ST6GAL2: variants seen among roughly 807,000 people sequenced by gnomAD.
ST6GAL2 encodes the protein ST6 beta-galactoside alpha-2,6-sialyltransferase 2.
A neutral mutation model predicts 37.5 loss-of-function variants in ST6GAL2; 24 were observed. That is an observed-to-expected ratio of 0.64 (90% CI 0.46 to 0.90). The LOEUF is 0.90. ST6GAL2 is among the 40% of genes least tolerant of loss of function. ST6GAL2 has a pLI of 0.00. For missense variants in ST6GAL2, 715 were observed against 712.7 expected (o/e 1.00, Z -0.04); for synonymous variants, 306 against 295.1 (o/e 1.04, Z -0.38).
At chr2:106,849,848 T>G (rs1318897531) in intron 1 of ST6GAL2, among the ~76,000 whole-genome samples, 1 of 152,240 alleles carries the variant, frequency 6.6e-6, no homozygotes, top group Non-Finnish European at 1.5e-5. Flanking sequence ...AATCTTTGAA[T>G]GTACCTACGA....
intron 1 of ST6GAL2, among the ~76,000 whole-genome samples, chr2:106,870,731 C>G (rs1160634990): frequency 6.6e-6 from 1 of 152,092 alleles, no homozygotes; most frequent in African/African-American, 2.4e-5. Flanking sequence ...TTCCGGAATA[C>G]AGTCACAGAC....
At position 106,846,783 on chromosome 2, in the gene ST6GAL2, G is replaced by A. The variant is rs1573267692; in HGVS notation, c.-57-2749C>T. On this transcript the variant is annotated intron_variant, in intron 1 of 5. Coordinates refer to ENST00000409382, the MANE Select transcript of ST6GAL2 (RefSeq NM_001142351.2). ...GAACCACGGATGCCAAGAAGCGAGC[G>A]TAGAAGAATTAATACCCGCAGTTAG... 2.0e-5 allele frequency among the ~76,000 whole-genome samples: 3 copies of A among 152,182 alleles called. No individual in the cohort carries two copies. The South Asian group carries it at 6.2e-4, about 32-fold the overall frequency.
chr2:106,842,774 G>A (rs1676945892), intron 2 of ST6GAL2, among the ~76,000 whole-genome samples: 1 of 152,162 alleles, frequency 6.6e-6, no homozygotes, highest in Non-Finnish European at 1.5e-5. Flanking sequence ...GCTATGGGGA[G>A]GACCCTTCCT....
Position 106,867,877 on chromosome 2 carries a change from T to G in ST6GAL2, c.-58+18216A>C, listed in dbSNP as rs576113720. 2.6e-5 allele frequency among the ~76,000 whole-genome samples: 4 copies of G among 152,262 alleles called. No individual in the cohort carries two copies. The South Asian group carries it at 8.3e-4, about 32-fold the overall frequency. ...GGATTTCTATCCAGGACTTTCTTTC[T>G]TTTCTTCCTCAACCTCTCCCTCCCC... On this transcript the variant is annotated intron_variant, in intron 1 of 5. Coordinates refer to ENST00000409382, the MANE Select transcript of ST6GAL2 (RefSeq NM_001142351.2).
At chr2:106,879,390 A>G (rs1451975847) in intron 1 of ST6GAL2, among the ~76,000 whole-genome samples, 3 of 152,244 alleles carry the variant, frequency 2.0e-5, no homozygotes, top group East Asian at 1.9e-4. Flanking sequence ...ACTACTATCA[A>G]TTCAACTTTG....
At chr2:106,879,319 T>G (rs1678645055) in intron 1 of ST6GAL2, among the ~76,000 whole-genome samples, 1 of 152,208 alleles carries the variant, frequency 6.6e-6, no homozygotes, top group Non-Finnish European at 1.5e-5. Flanking sequence ...AACAAATGTT[T>G]AGATTTAACT....
At chr2:106,886,208 C>G (rs1238849085), upstream of ST6GAL2, 1 of 152,274 alleles carries the variant, frequency 6.6e-6, no homozygotes, top group Non-Finnish European at 1.5e-5. Flanking sequence ...TCCCCGGCAG[C>G]CGCTCGGGTG....
At position 106,813,759 on chromosome 2, in the gene ST6GAL2, T is replaced by C. The variant is rs560692869; in HGVS notation, c.1319-6810A>G. ...AACATAATACAAGTAACAGGAAAAC[T>C]ACCAGTTTAAATCAATTCTAATAAA... On this transcript the variant is annotated intron_variant, in intron 5 of 5. Coordinates refer to ENST00000409382, the MANE Select transcript of ST6GAL2 (RefSeq NM_001142351.2). Among the ~76,000 whole-genome samples, 120 of 152,306 alleles carry C rather than the reference T, an allele frequency of 7.9e-4. 4 individuals are homozygous for C. The highest frequency in any genetic ancestry group is 5.4e-3 in the Admixed American group (83 of 15,300).
At chr2:106,832,780 G>A (rs923908991) in intron 3 of ST6GAL2, 114 bp from the exon 4 acceptor site, 36 of 731,722 alleles carry the variant, frequency 4.9e-5, no homozygotes, top group Middle Eastern at 2.4e-4. Context: ...TGGCTCAGAC[G>A]TTGTATTTTC....
intron 1 of ST6GAL2, among the ~76,000 whole-genome samples, chr2:106,867,701 C>A (rs1356634877): frequency 1.3e-5 from 2 of 152,070 alleles, no homozygotes; most frequent in Non-Finnish European, 2.9e-5. Flanking sequence ...GGAACCCACC[C>A]CCAGCCCGAC....
In ST6GAL2 at chr2:106,804,818, G is replaced by C. The variant is rs1675363896; in HGVS notation, c.*1860C>G. 7.2e-6 allele frequency: 1 copy of C among 139,424 alleles called. No homozygotes were observed. 8.6% of individuals were successfully genotyped at this position (139,424 alleles called of 1,614,324 possible). ...GATCGCACCACTGCACTCTAGCCTG[G>C]GCGACAGAGCGAGAGACTGTCTCAA... is the stretch of plus-strand genomic sequence containing the variant. On this transcript the variant is annotated 3_prime_UTR_variant, in exon 6 of 6. Coordinates refer to ENST00000409382, the MANE Select transcript of ST6GAL2 (RefSeq NM_001142351.2).
intron 2 of ST6GAL2, chr2:106,841,124 GACTC>G (rs1485140573): frequency 6.6e-6 from 1 of 152,184 alleles, no homozygotes; most frequent in Non-Finnish European, 1.5e-5. Context: ...CTTGATTCCA[GACTC>G]ACTGTCTTGT....
chr2:106,837,128 A>G (rs146697108), intron 2 of ST6GAL2, among the ~76,000 whole-genome samples: 166 of 152,270 alleles, frequency 1.1e-3, no homozygotes, highest in African/African-American at 3.9e-3. Flanking sequence ...TTTTGAGAAT[A>G]TATCTGCCAA....
intron 5 of ST6GAL2, among the ~76,000 whole-genome samples, chr2:106,811,613 GAAGA>G (rs1283501724): frequency 6.6e-6 from 1 of 152,144 alleles, no homozygotes; most frequent in Non-Finnish European, 1.5e-5. Context: ...AGGATGGCTT[GAAGA>G]AAGTATCCTA....
rs1381078341 is a variant in ST6GAL2, at chr2:106,853,711, T to C, written c.-57-9677A>G. ...GTCAGGTCATTCCAGCAGTACAGGG[T>C]TTTTGCTCAAGAGACAGGGCAGATG... On this transcript the variant is annotated intron_variant, in intron 1 of 5. Coordinates refer to ENST00000409382, the MANE Select transcript of ST6GAL2 (RefSeq NM_001142351.2). Among the ~76,000 whole-genome samples, 3 of 152,184 alleles carry C rather than the reference T, an allele frequency of 2.0e-5. 1 individual carries two copies. Among genetic ancestry groups the C allele is most frequent in the South Asian group, 4.2e-4 (2 of 4,812 alleles).
At chr2:106,847,056 C>A (rs1677174008) in intron 1 of ST6GAL2, among the ~76,000 whole-genome samples, 1 of 152,182 alleles carries the variant, frequency 6.6e-6, no homozygotes, top group African/African-American at 2.4e-5. Context: ...CTGGTCATAC[C>A]AACCAAGGCT....
chr2:106,866,902 A>C (rs2104601096), intron 1 of ST6GAL2, among the ~76,000 whole-genome samples: 1 of 152,374 alleles, frequency 6.6e-6, no homozygotes, highest in East Asian at 1.9e-4. Context: ...GTGTAACTTC[A>C]GTGATTATGC....
intron 2 of ST6GAL2, among the ~76,000 whole-genome samples, chr2:106,841,717 G>A (rs115951850): frequency 0.012 from 1,847 of 152,280 alleles, 21 homozygotes; most frequent in Middle Eastern, 0.034. Flanking sequence ...AAATGAATGT[G>A]ATCCAGCGAG....
At chr2:106,854,244 CG>C (rs558031585) in intron 1 of ST6GAL2, among the ~76,000 whole-genome samples, 110 of 152,264 alleles carry the variant, frequency 7.2e-4, no homozygotes, top group African/African-American at 2.5e-3. Context: ...AGGCCATGCA[CG>C]GTTGACCAGA....
Sources: allele counts gnomAD v4.1 joint callset (sites outside exome capture counted in the v4.1 genomes callset), GRCh38; gene constraint gnomAD v4.1.1; transcripts MANE v1.5; gene names NCBI Gene and HGNC (gene_info 2026-07-23, HGNC 2026-07-21).